Variants in MACC1 observed in about 807,000 individuals in gnomAD.
The protein encoded by MACC1 is metastasis-associated in colon cancer protein 1.
In MACC1, 79 loss-of-function variants were observed where a neutral mutation model predicts 70.7. That is an observed-to-expected ratio of 1.12 (90% CI 0.93 to 1.35). The LOEUF (loss-of-function observed/expected upper bound fraction) is 1.35, where lower values mean the gene tolerates loss of function less well. MACC1 is among the 40% of genes most tolerant of loss of function. The probability of loss-of-function intolerance (pLI) is 0.00; values close to 1 mark genes in which losing one functional copy is unlikely to be tolerated. For synonymous variants in MACC1, 361 were observed against 347.2 expected, an observed-to-expected ratio of 1.04 and a Z score of -0.44; for missense variants, 1,106 against 978.1, an observed-to-expected ratio of 1.13 and a Z score of -1.74.
At chr7:20,176,191 T>C (rs1289574599) in intron 1 of MACC1, among the ~76,000 whole-genome samples, 2 of 152,130 alleles carry the variant, frequency 1.3e-5, no homozygotes, top group Non-Finnish European at 2.9e-5. Flanking sequence ...TATTGTTTTA[T>C]GGTCAGAGTA....
In MACC1 at chr7:20,136,200, T is replaced by G. The variant is rs1781715599; in HGVS notation, c.*4746A>C. On this transcript the variant is annotated 3_prime_UTR_variant, in exon 7 of 7. Transcript: ENST00000400331. ...GACAGGTCCACAGTCTCATAGGGAG[T>G]AAGGGAGTAATGGACAAAGATTAGA... 1 of 151,948 alleles carries G rather than the reference T, an allele frequency of 6.6e-6. No homozygotes were observed. The highest frequency in any genetic ancestry group is 2.4e-5 in the African/African-American group (1 of 41,366). 9.4% of individuals were successfully genotyped at this position (151,948 alleles called of 1,614,324 possible). A position where few individuals can be genotyped will look rare whatever the true frequency, so the allele number is the denominator to read the frequency against.
At position 20,140,187 on chromosome 7, in the gene MACC1, A is replaced by T. The variant is rs1223426386; in HGVS notation, c.*759T>A. On this transcript the variant is annotated 3_prime_UTR_variant, in exon 7 of 7. Transcript: ENST00000400331. ...CAAGAGACGATGAAAAAGAGTAGCA[A>T]GTCTCACTTAAAATGAAACGGCAAC... is the stretch of plus-strand genomic sequence containing the variant. 6.6e-6 allele frequency: 1 copy of T among 152,168 alleles called. No homozygotes were observed. The highest frequency in any genetic ancestry group is 6.5e-5 in the Admixed American group (1 of 15,276). 9.4% of individuals were successfully genotyped at this position (152,168 alleles called of 1,614,324 possible). A position where few individuals can be genotyped will look rare whatever the true frequency, so the allele number is the denominator to read the frequency against.
At chr7:20,189,372 C>A (rs1562597279) in intron 1 of MACC1, among the ~76,000 whole-genome samples, 1 of 152,140 alleles carries the variant, frequency 6.6e-6, no homozygotes. Context: ...ATCCCCAGAG[C>A]TTAGAAGAGT....
intron 2 of MACC1, among the ~76,000 whole-genome samples, chr7:20,165,758 T>C (rs747391918): frequency 3.9e-5 from 6 of 152,304 alleles, no homozygotes; most frequent in South Asian, 2.1e-4. Context: ...TAAATGAGAA[T>C]AGAGTACTCT....
intron 5 of MACC1, among the ~76,000 whole-genome samples, chr7:20,155,054 A>G (rs1424121547): frequency 1.3e-5 from 2 of 152,172 alleles, no homozygotes; most frequent in Non-Finnish European, 2.9e-5. Flanking sequence ...CAAAACACCT[A>G]GTCTTCTACA....
In MACC1 at chr7:20,140,164, A is replaced by T. The variant is rs1334551639; in HGVS notation, c.*782T>A. On this transcript the variant is annotated 3_prime_UTR_variant, in exon 7 of 7. Transcript: ENST00000400331. ...ATATTTTCCTTCTGTCAGTCTTTCA[A>T]GAGACGATGAAAAAGAGTAGCAAGT... The T allele has an allele frequency of 6.6e-6, 1 of 152,222 alleles. No homozygotes were observed. The highest frequency in any genetic ancestry group is 1.9e-4 in the East Asian group (1 of 5,204). 9.4% of individuals were successfully genotyped at this position (152,222 alleles called of 1,614,324 possible).
chr7:20,171,550 G>A (rs1358548206), intron 1 of MACC1, among the ~76,000 whole-genome samples: 6 of 150,286 alleles, frequency 4.0e-5, no homozygotes, highest in Non-Finnish European at 7.4e-5. Flanking sequence ...CACCACGCCC[G>A]GCTGATTATT....
chr7:20,177,650 C>CTT (rs5882731), intron 1 of MACC1, among the ~76,000 whole-genome samples: 40 of 150,260 alleles, frequency 2.7e-4, no homozygotes, highest in African/African-American at 8.3e-4. Flanking sequence ...TTTTAACGCA[C>CTT]TTTTTTCACA....
In MACC1 at chr7:20,158,242, C is replaced by G; in HGVS notation, c.2119G>C (p.Glu707Gln). Residue 707 changes from glutamate (E) to glutamine (Q), a missense_variant, in exon 5 of 7, where the codon GAG becomes CAG. Transcript: ENST00000400331. The part of the protein sequence containing the change: ...IKKLKEDCHT[E>Q]RNTRKFLYEL... ...TACAGAAACTTCCTTGTATTTCTCTCTGTGTGGCAATCTTCCTTTAACTTC... is the reference window on the plus strand; with the variant it reads ...TACAGAAACTTCCTTGTATTTCTCTGTGTGTGGCAATCTTCCTTTAACTTC... 6.3e-7 allele frequency: 1 copy of G among 1,598,326 alleles called. No homozygotes were observed. The highest frequency in any genetic ancestry group is 8.5e-7 in the Non-Finnish European group (1 of 1,175,558).
chr7:20,196,340 C>T (rs1264251555), intron 1 of MACC1, among the ~76,000 whole-genome samples: 1 of 152,038 alleles, frequency 6.6e-6, no homozygotes, highest in East Asian at 1.9e-4. Context: ...GCCACCACGC[C>T]CGGCTAATTT....
intron 1 of MACC1, among the ~76,000 whole-genome samples, chr7:20,181,080 C>CTG (rs59476252): frequency 0.25 from 37,547 of 149,084 alleles, 4,700 homozygotes; most frequent in Non-Finnish European, 0.28. Flanking sequence ...TGTATGTGCT[C>CTG]TGTGTGTGTG....
intron 1 of MACC1, among the ~76,000 whole-genome samples, chr7:20,174,305 A>G (rs1782360060): frequency 6.6e-6 from 1 of 152,160 alleles, no homozygotes; most frequent in Admixed American, 6.5e-5. Context: ...AAACTTAAAT[A>G]TTTCAGGGGA....
intron 5 of MACC1, among the ~76,000 whole-genome samples, chr7:20,157,261 AT>A (rs1029995404): frequency 6.6e-6 from 1 of 151,874 alleles, no homozygotes; most frequent in Admixed American, 6.6e-5. Flanking sequence ...TATGATCTTG[AT>A]TTTTTTTATT....
At chr7:20,169,441 A>T (rs962666984) in intron 2 of MACC1, among the ~76,000 whole-genome samples, 1 of 152,184 alleles carries the variant, frequency 6.6e-6, no homozygotes. Flanking sequence ...GAAGGGGTGG[A>T]CAAGACGTGG....
intron 1 of MACC1, among the ~76,000 whole-genome samples, chr7:20,193,235 T>G (rs1300492535): frequency 6.6e-6 from 1 of 152,138 alleles, no homozygotes; most frequent in Non-Finnish European, 1.5e-5. Flanking sequence ...ATAACCTAAA[T>G]GTTTGGTAAT....
chr7:20,191,723 C>G (rs1299814202), intron 1 of MACC1, among the ~76,000 whole-genome samples: 1 of 152,122 alleles, frequency 6.6e-6, no homozygotes, highest in South Asian at 2.1e-4. Flanking sequence ...TTTCCAGGAC[C>G]TCTCACTGGC....
rs1185689126 is a variant in MACC1 at position 20,135,848 on chromosome 7, A to C, written c.*5098T>G. ...GCTGGAAGTCACCAATTGTTCAAAA[A>C]CAGTGTGTATTACATAATCAATTTC... On this transcript the variant is annotated 3_prime_UTR_variant, in exon 7 of 7. Transcript: ENST00000400331. The C allele has an allele frequency of 1.3e-5, 2 of 152,224 alleles. No individual in the cohort carries two copies. Among genetic ancestry groups the C allele is most frequent in the African/African-American group, 2.4e-5 (1 of 41,452 alleles). 9.4% of individuals were successfully genotyped at this position (152,224 alleles called of 1,614,324 possible). A position where few individuals can be genotyped will look rare whatever the true frequency, so the allele number is the denominator to read the frequency against.
At position 20,159,953 on chromosome 7, in the gene MACC1, T is replaced by C; in HGVS notation, c.408A>G (p.Arg136=). 3.7e-6 allele frequency: 6 copies of C among 1,614,150 alleles called. No homozygotes were observed. The highest frequency in any genetic ancestry group is 4.2e-6 in the Non-Finnish European group (5 of 1,180,006). ...LRQTSSRNSG[R]SKSVSELLDI... is the part of the protein sequence containing the mutation. ...CCAGAAGTTCTGAAACACTTTTAGA[T>C]CTTCCAGAATTTCTTGAGGAAGTCT... The change falls in exon 5 of 7, where the codon AGA becomes AGG. Residue 136 remains arginine, a synonymous_variant. Coordinates refer to ENST00000400331, the MANE Select transcript of MACC1 (RefSeq NM_182762.4).
rs1218669148 is a variant in MACC1, at chr7:20,159,760, TCTGA to T, written c.597_600del (p.Ser199ArgfsTer15). The T allele has an allele frequency of 9.9e-6, 16 of 1,614,002 alleles. No homozygotes were observed. The highest frequency in any genetic ancestry group is 3.3e-5 in the Admixed American group (2 of 59,962). ...AGTTGTGTCTGGGCCCATCCAGGGC[TCTGA>T]CTAATTGTATTCAAATCAAGGCAGG... On this transcript the variant is annotated frameshift_variant, in exon 5 of 7. Coordinates refer to ENST00000400331, the MANE Select transcript of MACC1 (RefSeq NM_182762.4). LOFTEE classifies it high-confidence loss of function.
Sources: allele counts gnomAD v4.1 joint callset (sites outside exome capture counted in the v4.1 genomes callset), GRCh38; gene constraint gnomAD v4.1.1; transcripts MANE v1.5; gene names NCBI Gene and HGNC (gene_info 2026-07-23, HGNC 2026-07-21).